The following ROBO4 variants were observed in gnomAD, a reference collection of about 807,000 sequenced individuals.
The protein encoded by ROBO4 is roundabout guidance receptor 4, also known as roundabout homolog 4.
Under a neutral mutation model 103.3 loss-of-function variants are expected in ROBO4, and 80 were observed. That is an observed-to-expected ratio of 0.77 (90% CI 0.65 to 0.93). The LOEUF (loss-of-function observed/expected upper bound fraction) is 0.93. Among genes scored for constraint, ROBO4 ranks in the 40% least tolerant of loss-of-function variants. ROBO4 has a pLI of 0.00. For synonymous variants in ROBO4, 504 were observed against 529.7 expected (o/e 0.95, Z 0.67); for missense variants, 1,333 against 1,305.3 (o/e 1.02, Z -0.33).
intron 10 of ROBO4, chr11:124,892,320 G>A (rs1336467523): frequency 1.6e-5 from 5 of 317,744 alleles, no homozygotes; most frequent in Non-Finnish European, 3.1e-5. Flanking sequence ...GGCTGCCTGA[G>A]TGATCCTTCA....
chr11:124,896,328 C>T lies in ROBO4; in HGVS notation c.559-10G>A, dbSNP rs556870370. On this transcript the variant is annotated splice_polypyrimidine_tract_variant and intron_variant, in intron 3 of 17. Transcript: ENST00000306534. The stretch of plus-strand genomic sequence containing the variant: ...GGGACCCCCCGGACACCTGTCAGGG[C>T]CAGGTTCACTGTGAAGTCTCCTATG... The T allele has an allele frequency of 1.2e-6, 2 of 1,613,596 alleles. No homozygotes were observed. The highest frequency in any genetic ancestry group is 2.2e-5 in the East Asian group (1 of 44,858).
chr11:124,897,365 C>T (rs1946912708), intron 1 of ROBO4, 104 bp from the exon 2 acceptor site: 3 of 912,976 alleles, frequency 3.3e-6, no homozygotes, highest in Non-Finnish European at 4.7e-6. Context: ...TGCCAGAAAA[C>T]CTGTAATCTG....
At chr11:124,896,447 G>A in intron 3 of ROBO4, 66 bp downstream of exon 3, 1 of 1,594,624 alleles carries the variant, frequency 6.3e-7, no homozygotes, top group Non-Finnish European at 8.6e-7. Flanking sequence ...CGGCAGGTCA[G>A]TCCATCAGGG....
In ROBO4 at chr11:124,891,432, C is replaced by T. The variant is rs1229824743; in HGVS notation, c.1815G>A (p.Arg605=). 1.3e-6 allele frequency: 2 copies of T among 1,594,666 alleles called. No homozygotes were observed. Among genetic ancestry groups the T allele is most frequent in the Non-Finnish European group, 1.7e-6 (2 of 1,169,362 alleles). The change falls in exon 12 of 18, where the codon AGG becomes AGA. Residue 605 remains arginine, a synonymous_variant. Transcript: ENST00000306534. ...ARPSPQVPAV[R]RLPPQLAQLS... is the part of the protein sequence containing the mutation. ...GCTGGGCCAGCTGGGGTGGGAGGCG[C>T]CTGACAGCTGGGACCTGGGGACTTG...
rs898611167 is a variant in ROBO4, at chr11:124,883,880, C to G, written c.*1011G>C. ...CCCAAGTACACTTGGGCAGAATGAA[C>G]CTATTACTTCATTTTCCCCACAGCC... is the stretch of plus-strand genomic sequence containing the variant. On this transcript the variant is annotated 3_prime_UTR_variant, in exon 18 of 18. Coordinates refer to ENST00000306534, the MANE Select transcript of ROBO4 (RefSeq NM_019055.6). 1 of 152,014 alleles carries G rather than the reference C, an allele frequency of 6.6e-6. No homozygotes were observed. Among genetic ancestry groups the G allele is most frequent in the African/African-American group, 2.4e-5 (1 of 41,366 alleles). The allele number at this position is 152,014 out of a possible 1,614,324, so 9.4% of individuals were successfully genotyped here.
At position 124,884,933 on chromosome 11, in the gene ROBO4, T is replaced by C; in HGVS notation, c.3002-20A>G. The C allele has an allele frequency of 1.4e-5, 22 of 1,614,128 alleles. No individual in the cohort carries two copies. Among genetic ancestry groups the C allele is most frequent in the Non-Finnish European group, 1.9e-5 (22 of 1,180,004 alleles). On this transcript the variant is annotated intron_variant, in intron 17 of 17. Coordinates refer to ENST00000306534, the MANE Select transcript of ROBO4 (RefSeq NM_019055.6). The stretch of plus-strand genomic sequence containing the variant: ...GAGAAGCTGAAGGACAGTGGAGTTA[T>C]CTCCCTTGCTCCTTATCTCCCTTCC...
rs767666874 is a variant in ROBO4, at chr11:124,887,433, T to C, written c.2123A>G (p.Glu708Gly). ...LGPKLLSSSN[E>G]LVTRHLPPAP... ...TGGAGGGAGATGACGAGTAACCAGC[T>C]CATTTGAGGAGCTGAGGAGTTTCGG... is the stretch of plus-strand genomic sequence containing the variant. The change falls in exon 14 of 18, where the codon GAG (glutamate) becomes GGG (glycine). Residue 708 changes from glutamate to glycine, a missense_variant. By Grantham distance (98) the Glu-to-Gly change is moderately conservative. Coordinates refer to ENST00000306534, the MANE Select transcript of ROBO4 (RefSeq NM_019055.6). The C allele has an allele frequency of 8.1e-6, 13 of 1,613,764 alleles. No homozygotes were observed. Among genetic ancestry groups the C allele is most frequent in the Non-Finnish European group, 1.1e-5 (13 of 1,179,942 alleles).
At position 124,893,700 on chromosome 11, in the gene ROBO4, A is replaced by G; in HGVS notation, c.1535T>C (p.Ile512Thr). ...GLYRYTSEDA[I>T]LKHRMDHSDS... is the part of the protein sequence containing the mutation. ...TTTCACCTCTCACCTGTGTTTTAGGATGGCATCCTCACTGGTATATCTGTA... is the reference window on the plus strand; with the variant it reads ...TTTCACCTCTCACCTGTGTTTTAGGGTGGCATCCTCACTGGTATATCTGTA... Residue 512 changes from isoleucine to threonine, a missense_variant, in exon 10 of 18, where the codon ATC (isoleucine) becomes ACC (threonine). Ile to Thr is a moderately conservative substitution (Grantham distance 89). Coordinates refer to ENST00000306534, the MANE Select transcript of ROBO4 (RefSeq NM_019055.6). The G allele has an allele frequency of 6.2e-7, 1 of 1,613,960 alleles. No individual in the cohort carries two copies. Among genetic ancestry groups the G allele is most frequent in the Non-Finnish European group, 8.5e-7 (1 of 1,179,958 alleles).
chr11:124,896,252 C>A lies in ROBO4; in HGVS notation c.625G>T (p.Ala209Ser). 2 of 1,614,148 alleles carry A rather than the reference C, an allele frequency of 1.2e-6. No individual in the cohort carries two copies. Among genetic ancestry groups the A allele is most frequent in the Non-Finnish European group, 1.7e-6 (2 of 1,180,020 alleles). Reference protein sequence around the residue: ...KSDEGTYMCVATNSAGHRESR... With the variant: ...KSDEGTYMCVSTNSAGHRESR... ...TCCCTATGTCCTGCGCTGTTGGTGG[C>A]CACACACATGTAGGTCCCTTCGTCA... Residue 209 changes from alanine to serine, a missense_variant, in exon 4 of 18, where the codon GCC becomes TCC. By Grantham distance (99) the Ala-to-Ser change is moderately conservative. Coordinates refer to ENST00000306534, the MANE Select transcript of ROBO4 (RefSeq NM_019055.6).
At chr11:124,888,760 G>A (rs1052238037) in intron 12 of ROBO4, among the ~76,000 whole-genome samples, 1 of 152,226 alleles carries the variant, frequency 6.6e-6, no homozygotes, top group African/African-American at 2.4e-5. Context: ...GCAATGACCT[G>A]TGAGCATGCT....
Position 124,887,786 on chromosome 11 carries a change from A to T in ROBO4, c.2003T>A (p.Leu668His). 6.2e-7 allele frequency: 1 copy of T among 1,613,994 alleles called. No individual in the cohort carries two copies. The highest frequency in any genetic ancestry group is 8.5e-7 in the Non-Finnish European group (1 of 1,179,948). ...TCTATTTCCTAACTCACAGGCCCGG[A>T]GCTCCAAGGAGTGGCTGCCCCGGAG... Reference protein sequence around the residue: ...PLLRGSHSLELRACELGNRGS... With the variant: ...PLLRGSHSLEHRACELGNRGS... Residue 668 changes from leucine (L) to histidine (H), a missense_variant, in exon 13 of 18, where the codon CTC becomes CAC. Leu to His is a moderately conservative substitution (Grantham distance 99). Transcript: ENST00000306534.
chr11:124,895,846 A>G lies in ROBO4; in HGVS notation c.746T>C (p.Leu249Pro). ...GCCCTCTGCAGGATCCGGGTTCAGC[A>G]GTGTCACATTTTCCAGCTGAATTCG... ...AVRIQLENVT[L>P]LNPDPAEGPK... The change falls in exon 5 of 18, where the codon CTG (leucine) becomes CCG (proline). Residue 249 changes from leucine to proline, a missense_variant. Physicochemically the swap from Leu to Pro is moderately conservative, Grantham distance 98. Coordinates refer to ENST00000306534, the MANE Select transcript of ROBO4 (RefSeq NM_019055.6). 1 of 1,614,118 alleles carries G rather than the reference A, an allele frequency of 6.2e-7. No individual in the cohort carries two copies. Among genetic ancestry groups the G allele is most frequent in the Non-Finnish European group, 8.5e-7 (1 of 1,180,014 alleles).
At chr11:124,886,248 A>C (rs1199000279) in intron 16 of ROBO4, 2 of 473,168 alleles carry the variant, frequency 4.2e-6, no homozygotes, top group Non-Finnish European at 7.4e-6. Context: ...CAAGCCAATA[A>C]AATTATCTGA....
At chr11:124,889,609 C>A (rs190992950) in intron 12 of ROBO4, among the ~76,000 whole-genome samples, 1 of 152,246 alleles carries the variant, frequency 6.6e-6, no homozygotes, top group Admixed American at 6.5e-5. Flanking sequence ...ATATATCTGG[C>A]AAACTGAGCA....
In ROBO4 at chr11:124,885,059, G is replaced by A. The variant is rs528293791; in HGVS notation, c.2983C>T (p.Arg995Cys). 4.9e-5 allele frequency: 79 copies of A among 1,614,144 alleles called. No individual in the cohort carries two copies. The highest frequency in any genetic ancestry group is 6.7e-5 in the East Asian group (3 of 44,876). ...CACTCACCACCAGCCTTGGGCATAC[G>A]ACAGTGGAGCTGACTTCTCTGGGAA... is the stretch of plus-strand genomic sequence containing the variant. ...ISSQRSQLHCRMPKAGASPVD... is the reference protein window; with the variant it reads ...ISSQRSQLHCCMPKAGASPVD... Residue 995 changes from arginine (R) to cysteine (C), a missense_variant, in exon 17 of 18, where the codon CGT (arginine) becomes TGT (cysteine). Transcript: ENST00000306534.
In ROBO4 at chr11:124,897,072, G is replaced by T. The variant is rs1490430936; in HGVS notation, c.260C>A (p.Thr87Asn). 6.2e-7 allele frequency: 1 copy of T among 1,612,050 alleles called. No homozygotes were observed. Among genetic ancestry groups the T allele is most frequent in the Non-Finnish European group, 8.5e-7 (1 of 1,178,888 alleles). Residue 87 changes from threonine to asparagine, a missense_variant, in exon 2 of 18, where the codon ACC becomes AAC. Thr to Asn is a moderately conservative substitution (Grantham distance 65, BLOSUM62 0). Transcript: ENST00000306534. ...PDPHHLLPDG[T>N]LLLLQPPARG... ...GGCAGGGGGCTGTAGCAGCAGAAGG[G>T]TCCCATCAGGCAGGAGGTGGTGTGG...
In ROBO4 at chr11:124,887,294, C is replaced by A. The variant is rs76041107; in HGVS notation, c.2198+64G>T. 1,246 of 1,609,414 alleles carry A rather than the reference C, an allele frequency of 7.7e-4. 15 individuals carry two copies. The African/African-American group carries it at 0.015, about 19-fold the overall frequency. On this transcript the variant is annotated intron_variant, in intron 14 of 17. Coordinates refer to ENST00000306534, the MANE Select transcript of ROBO4 (RefSeq NM_019055.6). ...TCCCCCCTTCCCCAGCCTGTCCAAT[C>A]CCGGCACACACTCCCCACACCCCCA...
At position 124,894,264 on chromosome 11, in the gene ROBO4, G is replaced by T. The variant is rs1212319163; in HGVS notation, c.1255C>A (p.Gln419Lys). 1 of 1,614,072 alleles carries T rather than the reference G, an allele frequency of 6.2e-7. No individual in the cohort carries two copies. Among genetic ancestry groups the T allele is most frequent in the East Asian group, 2.2e-5 (1 of 44,878 alleles). Reference protein sequence around the residue: ...ATHMPGSYCVQVAAVTGAGAG... With the variant: ...ATHMPGSYCVKVAAVTGAGAG... ...CCAGCACCAGTGACTGCAGCCACTT[G>T]CACGCAGTAGGAGCCTGGCATATGG... Residue 419 changes from glutamine to lysine, a missense_variant, in exon 8 of 18, where the codon CAA (glutamine) becomes AAA (lysine). By Grantham distance (53) the Gln-to-Lys change is moderately conservative (BLOSUM62 1). Transcript: ENST00000306534.
chr11:124,893,555 A>G (rs1946831205), intron 10 of ROBO4, 133 bp downstream of exon 10: 1 of 783,696 alleles, frequency 1.3e-6, no homozygotes, highest in Non-Finnish European at 2.3e-6. Flanking sequence ...TATCAGTTGG[A>G]GTTACAGGAG....
Sources: gnomAD v4.1 joint callset for allele counts (sites outside exome capture counted in the v4.1 genomes callset) on GRCh38, gnomAD v4.1.1 for gene constraint, MANE v1.5 for transcripts, NCBI Gene and HGNC (gene_info 2026-07-23, HGNC 2026-07-21) for gene names.